ACER3: variants seen among roughly 807,000 people sequenced by gnomAD.
ACER3 encodes alkaline ceramidase 3.
In ACER3, 16 loss-of-function variants were observed where a neutral mutation model predicts 48.9. That is an observed-to-expected ratio of 0.33 (90% CI 0.22 to 0.50). ACER3 has a LOEUF of 0.50. Ranked by LOEUF, ACER3 falls within the 20% of genes least tolerant of loss-of-function variation. The pLI is 0.98. For missense variants in ACER3, 227 were observed against 326.0 expected (o/e 0.70, Z 2.34); for synonymous variants, 109 against 107.8 (o/e 1.01, Z -0.07).
rs71469535 is a variant in ACER3, at chr11:76,893,732, C to T, written c.103+32653C>T. On this transcript the variant is annotated intron_variant, in intron 1 of 10. Transcript: ENST00000532485. ...AGACAATGTAATGATTTCATACACT[C>T]TAAACTACCATATACATTTTGGTTA... Among the ~76,000 whole-genome samples, 1,075 of 152,336 alleles carry T rather than the reference C, an allele frequency of 7.1e-3. 5 individuals are homozygous for T. Among genetic ancestry groups the T allele is most frequent in the Non-Finnish European group, 0.013 (878 of 68,030 alleles).
intron 7 of ACER3, among the ~76,000 whole-genome samples, chr11:77,012,124 A>G (rs1332894709): frequency 1.6e-4 from 25 of 152,168 alleles, no homozygotes; most frequent in Admixed American, 1.6e-3. Context: ...CATGTACAAA[A>G]AAAGCCGTTA....
At chr11:76,958,894 C>A in intron 2 of ACER3, 85 bp from the exon 3 acceptor site, 1 of 1,444,008 alleles carries the variant, frequency 6.9e-7, no homozygotes, top group Non-Finnish European at 9.7e-7. Flanking sequence ...TAACTCAATG[C>A]TTTGAAATGT....
At chr11:77,020,031 A>G (rs1758404962) in intron 10 of ACER3, among the ~76,000 whole-genome samples, 1 of 152,238 alleles carries the variant, frequency 6.6e-6, no homozygotes, top group Non-Finnish European at 1.5e-5. Flanking sequence ...GATAATTTAT[A>G]TGCCCAGCTC....
In ACER3 at chr11:76,938,394, C is replaced by A. The variant is rs552739782; in HGVS notation, c.214+11727C>A. ...AATGCAATGGTACTATCACGGCTTACTGCGGCCTCAACCTCCCAGGCTGAA... is the reference window on the plus strand; with the variant it reads ...AATGCAATGGTACTATCACGGCTTAATGCGGCCTCAACCTCCCAGGCTGAA... On this transcript the variant is annotated intron_variant, in intron 2 of 10. Coordinates refer to ENST00000532485, the MANE Select transcript of ACER3 (RefSeq NM_018367.7). Among the ~76,000 whole-genome samples, 46 of 152,294 alleles carry A rather than the reference C, an allele frequency of 3.0e-4. No individual in the cohort carries two copies. In the South Asian group the frequency reaches 9.5e-3, roughly 32 times the overall value.
At chr11:76,876,556 T>C (rs959229874) in intron 1 of ACER3, among the ~76,000 whole-genome samples, 1 of 152,226 alleles carries the variant, frequency 6.6e-6, no homozygotes, top group African/African-American at 2.4e-5. Context: ...TTTTCGTTTC[T>C]CATAGGTAAA....
At chr11:76,916,393 A>G (rs757824427) in intron 1 of ACER3, among the ~76,000 whole-genome samples, 6 of 152,234 alleles carry the variant, frequency 3.9e-5, no homozygotes, top group Non-Finnish European at 8.8e-5. Flanking sequence ...GGTATTTGCT[A>G]TTGAATGAAT....
chr11:76,993,309 G>A (rs1479240567), intron 6 of ACER3, among the ~76,000 whole-genome samples: 1 of 152,114 alleles, frequency 6.6e-6, no homozygotes, highest in African/African-American at 2.4e-5. Context: ...AACCTCCTAA[G>A]TTTGAGGATT....
chr11:76,968,670 C>A (rs1948208902), intron 3 of ACER3, among the ~76,000 whole-genome samples: 1 of 152,110 alleles, frequency 6.6e-6, no homozygotes, highest in Non-Finnish European at 1.5e-5. Context: ...TTTGACAAAC[C>A]TGAGAAAAAC....
At chr11:77,001,317 A>G (rs527263426) in intron 7 of ACER3, among the ~76,000 whole-genome samples, 2 of 152,128 alleles carry the variant, frequency 1.3e-5, no homozygotes, top group South Asian at 4.2e-4. Flanking sequence ...GTGCGATGGC[A>G]TGATCTCGGC....
intron 10 of ACER3, 104 bp from the exon 11 acceptor site, chr11:77,020,170 C>T: frequency 3.3e-6 from 4 of 1,210,942 alleles, no homozygotes; most frequent in Non-Finnish European, 3.6e-6. Flanking sequence ...CACTAGCAAA[C>T]CTACGTATAG....
intron 9 of ACER3, among the ~76,000 whole-genome samples, chr11:77,019,021 A>T (rs1949424147): frequency 6.6e-6 from 1 of 152,254 alleles, no homozygotes; most frequent in Non-Finnish European, 1.5e-5. Context: ...TAGGATTTTC[A>T]TAGCTAGAGA....
chr11:76,916,951 C>T (rs1469834123), intron 1 of ACER3, among the ~76,000 whole-genome samples: 1 of 152,158 alleles, frequency 6.6e-6, no homozygotes, highest in East Asian at 1.9e-4. Flanking sequence ...TCCCCTGTAA[C>T]CTCCCTCTTG....
rs1949543706 is a variant in ACER3 at position 77,025,828 on chromosome 11, C to T, written c.*5501C>T. Reference sequence around the variant, plus strand: ...GTTTGTCTCCCCTGCTCTAGACTGTCAGCAAGTGGTACAGTGGTACAGTAC... The same window carrying T: ...GTTTGTCTCCCCTGCTCTAGACTGTTAGCAAGTGGTACAGTGGTACAGTAC... On this transcript the variant is annotated 3_prime_UTR_variant, in exon 11 of 11. Coordinates refer to ENST00000532485, the MANE Select transcript of ACER3 (RefSeq NM_018367.7). The T allele has an allele frequency of 6.6e-6, 1 of 152,242 alleles. No homozygotes were observed. The highest frequency in any genetic ancestry group is 1.5e-5 in the Non-Finnish European group (1 of 68,058). 9.4% of individuals were successfully genotyped at this position (152,242 alleles called of 1,614,324 possible).
chr11:76,985,190 A>G (rs1426411775), intron 4 of ACER3, among the ~76,000 whole-genome samples: 3 of 151,942 alleles, frequency 2.0e-5, no homozygotes, highest in African/African-American at 7.3e-5. Context: ...TGGACCCTCT[A>G]TCTCCCAGGC....
chr11:76,921,766 T>C (rs1288037364), intron 1 of ACER3, among the ~76,000 whole-genome samples: 1 of 152,188 alleles, frequency 6.6e-6, no homozygotes, highest in African/African-American at 2.4e-5. Context: ...TTCCTAGATA[T>C]GTGATGTGTT....
chr11:76,947,789 T>A (rs2134960437), intron 2 of ACER3, among the ~76,000 whole-genome samples: 1 of 152,354 alleles, frequency 6.6e-6, no homozygotes, highest in South Asian at 2.1e-4. Context: ...ATATTTTTAT[T>A]TTTTGGTTAA....
At chr11:76,918,365 A>T (rs1364224564) in intron 1 of ACER3, among the ~76,000 whole-genome samples, 1 of 151,286 alleles carries the variant, frequency 6.6e-6, no homozygotes, top group African/African-American at 2.4e-5. Context: ...TTTTTTCTTT[A>T]AGCTTAGCGT....
intron 7 of ACER3, among the ~76,000 whole-genome samples, chr11:77,005,450 G>A (rs941193062): frequency 5.3e-5 from 8 of 151,900 alleles, no homozygotes; most frequent in Admixed American, 3.9e-4. Flanking sequence ...GTCTGTATTC[G>A]ATTCCTAGGG....
chr11:76,950,411 A>ATATATATATAT (rs1277575730), intron 2 of ACER3, among the ~76,000 whole-genome samples: 1 of 22,778 alleles, frequency 4.4e-5, no homozygotes, highest in African/African-American at 8.2e-5. Context: ...ATATATATAT[A>ATATATATATAT]ATTTACACAT....
Sources: gnomAD v4.1 joint callset for allele counts (sites outside exome capture counted in the v4.1 genomes callset) on GRCh38, gnomAD v4.1.1 for gene constraint, MANE v1.5 for transcripts, NCBI Gene and HGNC (gene_info 2026-07-23, HGNC 2026-07-21) for gene names.